GMPR: variants seen among roughly 807,000 people sequenced by gnomAD.
GMPR encodes the protein GMP reductase 1.
Under a neutral mutation model 38.4 loss-of-function variants are expected in GMPR, and 31 were observed. That is an observed-to-expected ratio of 0.81 (90% confidence interval 0.61 to 1.09). The LOEUF (loss-of-function observed/expected upper bound fraction) is 1.09. GMPR is among the 50% of genes least tolerant of loss of function. The pLI is 0.00. For missense variants in GMPR, 468 were observed against 453.7 expected, an observed-to-expected ratio of 1.03 and a Z score of -0.29; for synonymous variants, 162 against 173.3, an observed-to-expected ratio of 0.93 and a Z score of 0.51.
At chr6:16,266,788 C>CA (rs913483235) in intron 4 of GMPR, among the ~76,000 whole-genome samples, 5 of 151,298 alleles carry the variant, frequency 3.3e-5, no homozygotes, top group African/African-American at 9.7e-5. Context: ...GACTCCGTCT[C>CA]AAAAAACAAA....
chr6:16,246,909 T>C lies in GMPR; in HGVS notation c.155T>C (p.Val52Ala), dbSNP rs200089377. 6.2e-7 allele frequency: 1 copy of C among 1,613,922 alleles called. No homozygotes were observed. Among genetic ancestry groups the C allele is most frequent in the East Asian group, 2.2e-5 (1 of 44,890 alleles). Residue 52 changes from valine to alanine, a missense_variant, in exon 2 of 9, where the codon GTG becomes GCG. By Grantham distance (64) the Val-to-Ala change is moderately conservative. Coordinates refer to ENST00000259727, the MANE Select transcript of GMPR (RefSeq NM_006877.4). Reference sequence around the variant, plus strand: ...ACCTACTCAGGGATTCCCATCATCGTGGCCAACATGGACACTGTGGGCACG... The same window carrying C: ...ACCTACTCAGGGATTCCCATCATCGCGGCCAACATGGACACTGTGGGCACG... ...KQTYSGIPII[V>A]ANMDTVGTFE...
At chr6:16,293,793 C>T (rs1262955560) in intron 8 of GMPR, among the ~76,000 whole-genome samples, 1 of 152,040 alleles carries the variant, frequency 6.6e-6, no homozygotes, top group Non-Finnish European at 1.5e-5. Flanking sequence ...GGCAAAACTC[C>T]ATCTCAAAAA....
At chr6:16,278,707 G>A (rs1759521656) in intron 5 of GMPR, 77 bp from the exon 6 acceptor site, 6 of 1,013,536 alleles carry the variant, frequency 5.9e-6, no homozygotes, top group South Asian at 3.9e-5. Context: ...GGCTGCAAAG[G>A]TAAGGGGGAC....
At chr6:16,278,637 G>A (rs1022569479) in intron 5 of GMPR, 147 bp from the exon 6 acceptor site, 20 of 697,058 alleles carry the variant, frequency 2.9e-5, no homozygotes, top group South Asian at 9.2e-5. Context: ...TCGTGCAGAT[G>A]GGGCAGCCTG....
chr6:16,291,925 A>G (rs990967509), intron 8 of GMPR, among the ~76,000 whole-genome samples: 1 of 151,484 alleles, frequency 6.6e-6, no homozygotes, highest in African/African-American at 2.4e-5. Flanking sequence ...AAAAAAAAAG[A>G]ACCTGATGAC....
At chr6:16,284,914 G>A (rs1487355414) in intron 6 of GMPR, among the ~76,000 whole-genome samples, 2 of 151,262 alleles carry the variant, frequency 1.3e-5, no homozygotes, top group Non-Finnish European at 2.9e-5. Flanking sequence ...AGCTACTCAG[G>A]AGGCTGAGGC....
intron 4 of GMPR, chr6:16,262,625 TG>T (rs1759108058): frequency 6.6e-6 from 1 of 152,040 alleles, no homozygotes; most frequent in South Asian, 2.1e-4. Context: ...AATTAAATCC[TG>T]TTGTGGGGTT....
At chr6:16,276,113 C>A (rs767543444) in intron 5 of GMPR, among the ~76,000 whole-genome samples, 1 of 152,046 alleles carries the variant, frequency 6.6e-6, no homozygotes, top group Non-Finnish European at 1.5e-5. Flanking sequence ...CACTGGCTAC[C>A]ATTGTGTTGG....
At chr6:16,288,351 G>C (rs1474540825) in intron 7 of GMPR, among the ~76,000 whole-genome samples, 1 of 152,164 alleles carries the variant, frequency 6.6e-6, no homozygotes, top group Non-Finnish European at 1.5e-5. Flanking sequence ...CACTCGGAGC[G>C]GCCGGCTGGC....
At chr6:16,255,272 C>A (rs1219227591) in intron 4 of GMPR, among the ~76,000 whole-genome samples, 1 of 152,190 alleles carries the variant, frequency 6.6e-6, no homozygotes. Flanking sequence ...CTTGATCTCC[C>A]AAAGTGCTGA....
chr6:16,287,291 A>T (rs780966567), intron 7 of GMPR, among the ~76,000 whole-genome samples: 1 of 152,224 alleles, frequency 6.6e-6, no homozygotes, highest in Non-Finnish European at 1.5e-5. Flanking sequence ...TCTACTTAAT[A>T]CAGGTGGTGG....
chr6:16,294,409 G>A (rs1329671341), intron 8 of GMPR, among the ~76,000 whole-genome samples: 7 of 152,196 alleles, frequency 4.6e-5, no homozygotes, highest in Admixed American at 4.6e-4. Flanking sequence ...TTCCACGTAA[G>A]CTGGTAGGAC....
intron 4 of GMPR, among the ~76,000 whole-genome samples, chr6:16,272,833 T>TC (rs1202584409): frequency 1.3e-5 from 2 of 152,190 alleles, no homozygotes; most frequent in Non-Finnish European, 2.9e-5. Context: ...TTTTCTTTTT[T>TC]CTTTTTTTTA....
intron 4 of GMPR, among the ~76,000 whole-genome samples, chr6:16,266,765 T>G (rs1248333779): frequency 1.3e-5 from 2 of 151,090 alleles, no homozygotes; most frequent in African/African-American, 4.9e-5. Context: ...CACTCCGGCC[T>G]AGGTGAGAGC....
chr6:16,275,686 A>G (rs1759459845), intron 5 of GMPR, among the ~76,000 whole-genome samples: 1 of 152,204 alleles, frequency 6.6e-6, no homozygotes, highest in Admixed American at 6.5e-5. Context: ...CAGACTGATA[A>G]TAGAACAAAA....
At chr6:16,278,235 T>C (rs568593897) in intron 5 of GMPR, among the ~76,000 whole-genome samples, 102 of 152,148 alleles carry the variant, frequency 6.7e-4, no homozygotes, top group Non-Finnish European at 1.3e-3. Flanking sequence ...GGCCAGGCCC[T>C]GGGCCAAGCG....
chr6:16,258,458 C>A (rs1759021205), intron 4 of GMPR, among the ~76,000 whole-genome samples: 1 of 152,168 alleles, frequency 6.6e-6, no homozygotes, highest in Admixed American at 6.5e-5. Context: ...GGTGTTGTTG[C>A]CAGTGCAGAA....
At chr6:16,239,083 G>A (rs1031322178) in intron 1 of GMPR, among the ~76,000 whole-genome samples, 1 of 152,180 alleles carries the variant, frequency 6.6e-6, no homozygotes, top group African/African-American at 2.4e-5. Flanking sequence ...GAAGGAATAG[G>A]GGTACGAGGG....
chr6:16,270,799 C>T lies in GMPR; in HGVS notation c.466-3616C>T, dbSNP rs578234683. Among the ~76,000 whole-genome samples, 24 of 152,306 alleles carry T rather than the reference C, an allele frequency of 1.6e-4. No homozygotes were observed. The East Asian group carries it at 4.2e-3, about 27-fold the overall frequency. On this transcript the variant is annotated intron_variant, in intron 4 of 8. Transcript: ENST00000259727. ...GCAGTGACCACATTTGGACCATGGA[C>T]AGATTCAGCAGCCACACAGGTAGCT...
Sources: allele counts gnomAD v4.1 joint callset (sites outside exome capture counted in the v4.1 genomes callset), GRCh38; gene constraint gnomAD v4.1.1; transcripts MANE v1.5; gene names NCBI Gene and HGNC (gene_info 2026-07-23, HGNC 2026-07-21).